The following DOCK8 variants were observed in gnomAD, a reference collection of about 807,000 sequenced individuals.
DOCK8 encodes the protein dedicator of cytokinesis 8, also known as dedicator of cytokinesis protein 8.
A neutral mutation model predicts 245.6 loss-of-function variants in DOCK8; 141 were observed. That is an observed-to-expected ratio of 0.57 (90% CI 0.50 to 0.66). DOCK8 has a LOEUF of 0.66. Among genes scored for constraint, DOCK8 ranks in the 30% least tolerant of loss-of-function variants. DOCK8 has a pLI of 0.00. For synonymous variants in DOCK8, 1,168 were observed against 970.2 expected (o/e 1.20, Z -3.79); for missense variants, 2,965 against 2,603.4 (o/e 1.14, Z -3.02).
intron 1 of DOCK8, among the ~76,000 whole-genome samples, chr9:252,600 C>T (rs929098003): frequency 6.6e-6 from 1 of 151,876 alleles, no homozygotes; most frequent in Non-Finnish European, 1.5e-5. Flanking sequence ...GTCAGGAGTT[C>T]AAGAGCAGCC....
intron 1 of DOCK8, among the ~76,000 whole-genome samples, chr9:236,974 A>C (rs2047266012): frequency 6.6e-6 from 1 of 152,246 alleles, no homozygotes; most frequent in African/African-American, 2.4e-5. Context: ...AAGATTCATC[A>C]ATCTGCAAGG....
intron 7 of DOCK8, among the ~76,000 whole-genome samples, chr9:319,149 G>T (rs1191551217): frequency 6.6e-6 from 1 of 152,162 alleles, no homozygotes; most frequent in Non-Finnish European, 1.5e-5. Flanking sequence ...ACTAACAGAT[G>T]TGTTAATTTT....
intron 1 of DOCK8, among the ~76,000 whole-genome samples, chr9:248,525 C>T (rs113279475): frequency 1.1e-5 from 1 of 87,148 alleles, no homozygotes; most frequent in Non-Finnish European, 3.0e-5. Flanking sequence ...CCTTCCCTCC[C>T]TCTCTCTCTT....
Position 371,428 on chromosome 9 carries a change from G to C in DOCK8, c.1869G>C (p.Lys623Asn). ...TGTGTATAATGTGCTTTTGAAACAGGTCTCCTGACTTTTATGAAGAAGTGA... is the reference window on the plus strand; with the variant it reads ...TGTGTATAATGTGCTTTTGAAACAGCTCTCCTGACTTTTATGAAGAAGTGA... The part of the protein sequence containing the change: ...EVYTAVTYHN[K>N]SPDFYEEVKI... The change falls in exon 17 of 48, where the codon AAG becomes AAC. Residue 623 changes from lysine (K) to asparagine (N), a missense_variant and splice_region_variant. Lys to Asn is a moderately conservative substitution (Grantham distance 94). Coordinates refer to ENST00000432829, the MANE Select transcript of DOCK8 (RefSeq NM_203447.4). The C allele has an allele frequency of 6.2e-7, 1 of 1,614,084 alleles. No homozygotes were observed. The highest frequency in any genetic ancestry group is 8.5e-7 in the Non-Finnish European group (1 of 1,180,004).
chr9:431,840 C>T (rs2056724240), intron 36 of DOCK8, among the ~76,000 whole-genome samples: 1 of 152,146 alleles, frequency 6.6e-6, no homozygotes, highest in African/African-American at 2.4e-5. Flanking sequence ...AGAAGAAACT[C>T]TTGGCACAAA....
intron 14 of DOCK8, among the ~76,000 whole-genome samples, chr9:343,167 C>T (rs1332694115): frequency 2.6e-5 from 4 of 152,068 alleles, no homozygotes; most frequent in Non-Finnish European, 5.9e-5. Flanking sequence ...AAAATTAAGA[C>T]CCGGAAAGGA....
intron 34 of DOCK8, among the ~76,000 whole-genome samples, chr9:427,615 C>T (rs1462836522): frequency 6.6e-6 from 1 of 152,158 alleles, no homozygotes; most frequent in African/African-American, 2.4e-5. Context: ...TGAGTTCTTA[C>T]ATGTTTCCAT....
chr9:432,413 A>G lies in DOCK8; in HGVS notation c.4785+89A>G, dbSNP rs147722320. 5.2e-4 allele frequency: 617 copies of G among 1,180,476 alleles called. 8 individuals are homozygous for G. In the East Asian group the frequency reaches 0.014, roughly 27 times the overall value. 73.1% of individuals were successfully genotyped at this position (1,180,476 alleles called of 1,614,324 possible). On this transcript the variant is annotated intron_variant, in intron 37 of 47. Transcript: ENST00000432829. Reference sequence around the variant, plus strand: ...ATGTATGTACATATATACACAATTTATATATAAATATATAACATTTGCAAG... The same window carrying G: ...ATGTATGTACATATATACACAATTTGTATATAAATATATAACATTTGCAAG...
chr9:317,815 C>G (rs2050411163), intron 7 of DOCK8, among the ~76,000 whole-genome samples: 1 of 152,150 alleles, frequency 6.6e-6, no homozygotes, highest in African/African-American at 2.4e-5. Context: ...CCAGATTTTT[C>G]TGCATAATAT....
In DOCK8 at chr9:344,456, C is replaced by G. The variant is rs73378636; in HGVS notation, c.1679+4135C>G. On this transcript the variant is annotated intron_variant, in intron 14 of 47. Coordinates refer to ENST00000432829, the MANE Select transcript of DOCK8 (RefSeq NM_203447.4). ...GTTACCCAGTCCCAGATGAGTGTCCCCTTTCCTGCACCTCCCCCCATTCAC... is the reference window on the plus strand; with the variant it reads ...GTTACCCAGTCCCAGATGAGTGTCCGCTTTCCTGCACCTCCCCCCATTCAC... Among the ~76,000 whole-genome samples the G allele has an allele frequency of 2.5e-3, 380 of 152,154 alleles. 2 individuals are homozygous for G. Among genetic ancestry groups the G allele is most frequent in the African/African-American group, 8.7e-3 (359 of 41,484 alleles).
intron 1 of DOCK8, among the ~76,000 whole-genome samples, chr9:239,895 A>T (rs1025511126): frequency 1.3e-5 from 2 of 152,220 alleles, no homozygotes; most frequent in African/African-American, 4.8e-5. Flanking sequence ...AATGCATAAC[A>T]TTCCATTGTA....
chr9:451,648 A>G (rs2057441944), intron 45 of DOCK8, among the ~76,000 whole-genome samples: 1 of 151,944 alleles, frequency 6.6e-6, no homozygotes, highest in Non-Finnish European at 1.5e-5. Context: ...ACACACACAC[A>G]CAGGGAAAAT....
intron 32 of DOCK8, 108 bp downstream of exon 32, chr9:421,186 T>A (rs2056262574): frequency 6.8e-7 from 1 of 1,462,144 alleles, no homozygotes; most frequent in Non-Finnish European, 9.5e-7. Flanking sequence ...TTGAGATATT[T>A]ACGGTAGTGT....
upstream of DOCK8, among the ~76,000 whole-genome samples, chr9:212,010 T>C (rs953777483): frequency 3.9e-5 from 6 of 152,160 alleles, no homozygotes; most frequent in Admixed American, 2.0e-4. Context: ...ATCTGGGAAA[T>C]AGGCAAAACT....
chr9:361,395 C>G (rs1348126220), intron 14 of DOCK8, among the ~76,000 whole-genome samples: 1 of 152,162 alleles, frequency 6.6e-6, no homozygotes, highest in Non-Finnish European at 1.5e-5. Context: ...AAAAGGCACT[C>G]CGTTTGTTCA....
upstream of DOCK8, chr9:214,721 C>G: frequency 6.5e-7 from 1 of 1,538,552 alleles, no homozygotes; most frequent in Non-Finnish European, 8.7e-7. Context: ...GCCAGTTCCG[C>G]GCTGGGCCCA....
At chr9:418,263 G>C (rs2056118628) in intron 30 of DOCK8, 56 bp downstream of exon 30, 3 of 1,607,386 alleles carry the variant, frequency 1.9e-6, no homozygotes, top group Non-Finnish European at 2.6e-6. Flanking sequence ...TCTGTCTTCT[G>C]TTTTGTTTTG....
rs777981703 is a variant in DOCK8, at chr9:371,464, C to T, written c.1905C>T (p.Leu635=). Reference sequence around the variant, plus strand: ...TTTATGAAGAAGTGAAAATTAAGCTCCCCGCTAAGCTCACAGTAAATCACC... The same window carrying T: ...TTTATGAAGAAGTGAAAATTAAGCTTCCCGCTAAGCTCACAGTAAATCACC... The part of the protein sequence containing the change: ...PDFYEEVKIK[L]PAKLTVNHHL... Residue 635 remains leucine, a synonymous_variant, in exon 17 of 48, where the codon CTC becomes CTT. Transcript: ENST00000432829. 3.1e-6 allele frequency: 5 copies of T among 1,614,068 alleles called. No individual in the cohort carries two copies. Among genetic ancestry groups the T allele is most frequent in the East Asian group, 4.5e-5 (2 of 44,898 alleles).
intron 4 of DOCK8, among the ~76,000 whole-genome samples, chr9:290,313 G>C (rs2048985475): frequency 6.6e-6 from 1 of 151,844 alleles, no homozygotes; most frequent in African/African-American, 2.4e-5. Context: ...GCTATTGTTA[G>C]TGTTAGTGTA....
Sources: allele counts gnomAD v4.1 joint callset (sites outside exome capture counted in the v4.1 genomes callset), GRCh38; gene constraint gnomAD v4.1.1; transcripts MANE v1.5; gene names NCBI Gene and HGNC (gene_info 2026-07-23, HGNC 2026-07-21).